The following SDK1 variants were observed in gnomAD, a reference collection of about 807,000 sequenced individuals.
SDK1 encodes sidekick cell adhesion molecule 1.
In SDK1, 157 loss-of-function variants were observed where a neutral mutation model predicts 245.5. That is an observed-to-expected ratio of 0.64 (90% CI 0.56 to 0.73). The LOEUF is 0.73. SDK1 is among the 30% of genes least tolerant of loss of function. The pLI is 0.00. For synonymous variants in SDK1, 1,647 were observed against 1,278.5 expected, an observed-to-expected ratio of 1.29 and a Z score of -6.15; for missense variants, 3,583 against 3,002.3, an observed-to-expected ratio of 1.19 and a Z score of -4.52.
intron 5 of SDK1, among the ~76,000 whole-genome samples, chr7:3,839,832 G>C (rs1780114651): frequency 6.6e-6 from 1 of 152,062 alleles, no homozygotes; most frequent in African/African-American, 2.4e-5. Flanking sequence ...TTTAGTTTTA[G>C]AGTCACAGGA....
Position 4,268,208 on chromosome 7 carries a change from T to C in SDK1, c.*2824T>C. ...CCAACGTGGCTCATTTCAGATTGCT[T>C]CGGCCCCACCCTGCAAGGATGTGGT... On this transcript the variant is annotated 3_prime_UTR_variant, in exon 45 of 45. Transcript: ENST00000404826. The C allele has an allele frequency of 1.0e-6, 1 of 988,320 alleles. No homozygotes were observed. Among genetic ancestry groups the C allele is most frequent in the African/African-American group, 1.7e-5 (1 of 57,404 alleles). The allele number at this position is 988,320 out of a possible 1,614,324, so 61.2% of individuals were successfully genotyped here.
intron 4 of SDK1, among the ~76,000 whole-genome samples, chr7:3,779,013 T>C (rs891873177): frequency 6.6e-6 from 1 of 152,248 alleles, no homozygotes; most frequent in Non-Finnish European, 1.5e-5. Flanking sequence ...TGCATGACAC[T>C]TTAATTGAAT....
At chr7:4,197,989 C>A (rs748217072) in intron 35 of SDK1, among the ~76,000 whole-genome samples, 2 of 152,198 alleles carry the variant, frequency 1.3e-5, no homozygotes, top group African/African-American at 4.8e-5. Context: ...TCAGCTCATC[C>A]GTGGGACCAG....
chr7:4,161,911 G>T, intron 32 of SDK1, 55 bp downstream of exon 32: 1 of 1,493,864 alleles, frequency 6.7e-7, no homozygotes, highest in Non-Finnish European at 9.3e-7. Context: ...ATTTCCCTGC[G>T]CATTCAGCCA....
rs1782292548 is a variant in SDK1, at chr7:3,969,123, G to A, written c.1547-134G>A. The A allele has an allele frequency of 7.9e-6, 6 of 754,962 alleles. 1 individual carries two copies. Among genetic ancestry groups the A allele is most frequent in the African/African-American group, 1.8e-5 (1 of 55,570 alleles). The allele number at this position is 754,962 out of a possible 1,614,324, so 46.8% of individuals were successfully genotyped here. A position where few individuals can be genotyped will look rare whatever the true frequency, so the allele number is the denominator to read the frequency against. On this transcript the variant is annotated intron_variant, in intron 10 of 44. Coordinates refer to ENST00000404826, the MANE Select transcript of SDK1 (RefSeq NM_152744.4). ...CACCAGATTCCTCCCCCGACGTGGG[G>A]ATTGCAATTCGAGACGAGACTTGGG...
At chr7:3,534,945 A>G (rs6944958) in intron 1 of SDK1, among the ~76,000 whole-genome samples, 10,307 of 152,184 alleles carry the variant, frequency 0.068, 461 homozygotes, top group East Asian at 0.22. Flanking sequence ...GCTCATTTGC[A>G]TAATAAGATT....
chr7:4,113,695 G>T (rs190280171), intron 24 of SDK1, among the ~76,000 whole-genome samples: 1 of 152,188 alleles, frequency 6.6e-6, no homozygotes, highest in Non-Finnish European at 1.5e-5. Context: ...AAAGCTGGGG[G>T]TGCCTCACAC....
chr7:4,098,480 T>C (rs554574676), intron 22 of SDK1, among the ~76,000 whole-genome samples: 17 of 152,286 alleles, frequency 1.1e-4, no homozygotes, highest in African/African-American at 4.1e-4. Flanking sequence ...TATATTTCTT[T>C]CCTTCATTCG....
chr7:3,965,084 T>A (rs991723521), intron 9 of SDK1, among the ~76,000 whole-genome samples: 1 of 152,176 alleles, frequency 6.6e-6, no homozygotes, highest in African/African-American at 2.4e-5. Context: ...ATGGTAGATA[T>A]TTTTGGCTTT....
In SDK1 at chr7:3,557,416, A is replaced by T. The variant is rs374917791; in HGVS notation, c.299-61664A>T. ...AGATAATCTGAAGAGTCCTGTAACC[A>T]TTAGGGAAATGGAGAGAGGGTAGTG... On this transcript the variant is annotated intron_variant, in intron 1 of 44. Transcript: ENST00000404826. Among the ~76,000 whole-genome samples, 17 of 152,286 alleles carry T rather than the reference A, an allele frequency of 1.1e-4. No homozygotes were observed. The East Asian group carries it at 2.5e-3, about 22-fold the overall frequency.
At chr7:3,597,689 C>T (rs1362704016) in intron 1 of SDK1, among the ~76,000 whole-genome samples, 2 of 152,116 alleles carry the variant, frequency 1.3e-5, no homozygotes, top group African/African-American at 4.8e-5. Flanking sequence ...CTGTCGGGGC[C>T]TAGGGGAGAG....
At chr7:3,354,290 A>G (rs540187260) in intron 1 of SDK1, among the ~76,000 whole-genome samples, 2 of 151,716 alleles carry the variant, frequency 1.3e-5, no homozygotes, top group South Asian at 2.1e-4. Flanking sequence ...TGGCCTGACC[A>G]TTTTTCATTT....
intron 28 of SDK1, among the ~76,000 whole-genome samples, chr7:4,133,838 G>A (rs1246590903): frequency 3.9e-5 from 6 of 152,122 alleles, no homozygotes; most frequent in Admixed American, 3.3e-4. Flanking sequence ...ACCCCGATTC[G>A]GCTAGCCTGT....
chr7:3,603,870 T>G (rs7802868), intron 1 of SDK1, among the ~76,000 whole-genome samples: 17,766 of 152,172 alleles, frequency 0.12, 1,703 homozygotes, highest in East Asian at 0.35. Context: ...AATACCTAAT[T>G]TATTGAGAGT....
At chr7:3,308,093 A>G (rs1407295363) in intron 1 of SDK1, among the ~76,000 whole-genome samples, 2 of 152,162 alleles carry the variant, frequency 1.3e-5, no homozygotes, top group Non-Finnish European at 2.9e-5. Flanking sequence ...TAGCCTAAAA[A>G]TGGTTCATGT....
At chr7:3,721,888 A>G (rs553278230) in intron 4 of SDK1, among the ~76,000 whole-genome samples, 15 of 152,044 alleles carry the variant, frequency 9.9e-5, no homozygotes, top group African/African-American at 3.6e-4. Context: ...GGTACCAATT[A>G]TCTCCTGATT....
chr7:3,678,538 C>A (rs776557590), intron 4 of SDK1, among the ~76,000 whole-genome samples: 5 of 152,208 alleles, frequency 3.3e-5, no homozygotes, highest in Admixed American at 1.3e-4. Context: ...AAAAGAACAC[C>A]CATTGTGTGG....
chr7:4,229,620 T>G (rs1030298034), intron 40 of SDK1, among the ~76,000 whole-genome samples: 1 of 152,054 alleles, frequency 6.6e-6, no homozygotes, highest in African/African-American at 2.4e-5. Context: ...TACAGAAACA[T>G]TAATGCAAAA....
intron 1 of SDK1, among the ~76,000 whole-genome samples, chr7:3,613,943 G>C (rs1781683135): frequency 6.6e-6 from 1 of 152,138 alleles, no homozygotes; most frequent in Non-Finnish European, 1.5e-5. Flanking sequence ...TGGACACAGA[G>C]AGGGGAACAA....
Sources: gnomAD v4.1 joint callset for allele counts (sites outside exome capture counted in the v4.1 genomes callset) on GRCh38, gnomAD v4.1.1 for gene constraint, MANE v1.5 for transcripts, NCBI Gene and HGNC (gene_info 2026-07-23, HGNC 2026-07-21) for gene names.